The following BMP7 variants were observed in gnomAD, a reference collection of about 807,000 sequenced individuals.
The protein encoded by BMP7 is osteogenic protein 1.
BMP7 carries 12 observed loss-of-function variants against 41.2 expected under a neutral mutation model. The ratio of observed to expected loss-of-function variants is 0.29; its 90% CI spans 0.19 to 0.47. BMP7 has a LOEUF of 0.47. Among genes scored for constraint, BMP7 ranks in the 20% least tolerant of loss-of-function variants. BMP7 has a pLI of 0.99. For synonymous variants in BMP7, 248 were observed against 250.0 expected, an observed-to-expected ratio of 0.99 and a Z score of 0.07; for missense variants, 467 against 606.0, an observed-to-expected ratio of 0.77 and a Z score of 2.41.
At chr20:57,219,403 TC>T (rs1985132912) in intron 2 of BMP7, among the ~76,000 whole-genome samples, 1 of 152,036 alleles carries the variant, frequency 6.6e-6, no homozygotes. Flanking sequence ...CATCCCTCCC[TC>T]CCTCCACCCT....
chr20:57,204,113 T>C (rs758947410), intron 2 of BMP7, among the ~76,000 whole-genome samples: 2 of 152,224 alleles, frequency 1.3e-5, no homozygotes, highest in South Asian at 2.1e-4. Context: ...AAGCCCAAGC[T>C]TGCAACTGTA....
intron 1 of BMP7, among the ~76,000 whole-genome samples, chr20:57,238,061 T>A (rs150904695): frequency 0.027 from 4,120 of 152,314 alleles, 78 homozygotes; most frequent in Non-Finnish European, 0.041. Context: ...TCTCCAGGAC[T>A]TTTTTCATCT....
chr20:57,263,244 C>G (rs2146034249), intron 1 of BMP7, among the ~76,000 whole-genome samples: 1 of 152,358 alleles, frequency 6.6e-6, no homozygotes, highest in Admixed American at 6.5e-5. Flanking sequence ...CAGGGTCCCA[C>G]AAAGCCCAAA....
At chr20:57,233,399 C>T (rs2066036066) in intron 1 of BMP7, among the ~76,000 whole-genome samples, 1 of 152,226 alleles carries the variant, frequency 6.6e-6, no homozygotes, top group African/African-American at 2.4e-5. Context: ...CAAGCAGACC[C>T]ATCACTGTCC....
intron 1 of BMP7, among the ~76,000 whole-genome samples, chr20:57,253,510 TG>T (rs538609283): frequency 3.5e-4 from 53 of 152,296 alleles, no homozygotes; most frequent in African/African-American, 1.3e-3. Context: ...GGCACTGTCC[TG>T]TGGGTTTTTC....
intron 1 of BMP7, among the ~76,000 whole-genome samples, chr20:57,238,691 C>T (rs1360143306): frequency 6.6e-6 from 1 of 151,556 alleles, no homozygotes; most frequent in Non-Finnish European, 1.5e-5. Context: ...AAGACATACC[C>T]GAGACCAGGA....
chr20:57,223,595 C>T (rs911170374), intron 2 of BMP7, among the ~76,000 whole-genome samples: 2 of 152,184 alleles, frequency 1.3e-5, no homozygotes, highest in African/African-American at 4.8e-5. Context: ...TAGCTGTGTG[C>T]TTTTGGGCAA....
At chr20:57,235,482 G>C (rs2066044022) in intron 1 of BMP7, among the ~76,000 whole-genome samples, 1 of 152,206 alleles carries the variant, frequency 6.6e-6, no homozygotes, top group African/African-American at 2.4e-5. Context: ...GGCCAAAGGA[G>C]ACACAGTCCC....
intron 3 of BMP7, among the ~76,000 whole-genome samples, chr20:57,195,843 T>C (rs1984479286): frequency 6.6e-6 from 1 of 152,162 alleles, no homozygotes; most frequent in South Asian, 2.1e-4. Context: ...TGCATGCAGA[T>C]AGCCAAAATG....
At position 57,215,969 on chromosome 20, in the gene BMP7, A is replaced by C. The variant is rs1471487885; in HGVS notation, c.611+12260T>G. 6.6e-6 allele frequency: 1 copy of C among 152,248 alleles called. No homozygotes were observed. The highest frequency in any genetic ancestry group is 2.4e-5 in the African/African-American group (1 of 41,534). The allele number at this position is 152,248 out of a possible 1,614,324, so 9.4% of individuals were successfully genotyped here. A position where few individuals can be genotyped will look rare whatever the true frequency, so the allele number is the denominator to read the frequency against. On this transcript the variant is annotated intron_variant, in intron 2 of 6. Transcript: ENST00000395863. The surrounding 1 kb of genome is among the most constrained non-coding windows in gnomAD (Gnocchi z 4.2). ...ACCCAGAGACAGAAAAAGTGCAGCA[A>C]AGCAGGGCGACAAGGGGAAAGAAAC...
rs763672734 is a variant in BMP7, at chr20:57,228,205, C to G, written c.611+24G>C. The G allele has an allele frequency of 6.2e-7, 1 of 1,611,494 alleles. No individual in the cohort carries two copies. ...CCCCCAGAGGAAACTCAGCACCTCT[C>G]CCAGATACCCGTATAGCACCCACCT... On this transcript the variant is annotated intron_variant, in intron 2 of 6. Transcript: ENST00000395863. The surrounding 1 kb of genome is among the most constrained non-coding windows in gnomAD (Gnocchi z 4.5).
chr20:57,176,690 TTTC>T (rs1221004447), intron 4 of BMP7, among the ~76,000 whole-genome samples: 5 of 151,714 alleles, frequency 3.3e-5, no homozygotes, highest in African/African-American at 7.3e-5. Context: ...AGTTTCATAT[TTTC>T]TTCTTCTTCT....
intron 4 of BMP7, among the ~76,000 whole-genome samples, chr20:57,177,134 G>A (rs553997513): frequency 3.9e-5 from 6 of 152,104 alleles, no homozygotes; most frequent in Admixed American, 6.6e-5. Context: ...GCTACCCCAT[G>A]GCTGAGAACA....
At chr20:57,172,974 G>A in intron 6 of BMP7, 2 of 612,784 alleles carry the variant, frequency 3.3e-6, no homozygotes, top group South Asian at 2.0e-5. Context: ...TAAAAATTAG[G>A]AGAAATAAAT....
chr20:57,258,607 A>G (rs1377593987), intron 1 of BMP7, among the ~76,000 whole-genome samples: 1 of 152,248 alleles, frequency 6.6e-6, no homozygotes, highest in East Asian at 1.9e-4. Context: ...ATACCCTCTC[A>G]CTGAGTTCCA....
chr20:57,243,401 C>T (rs2066077606), intron 1 of BMP7, among the ~76,000 whole-genome samples: 3 of 152,124 alleles, frequency 2.0e-5, no homozygotes, highest in Non-Finnish European at 2.9e-5. Context: ...ATCGCTTGAA[C>T]CCAGGAGGCA....
chr20:57,175,842 G>GT lies in BMP7; in HGVS notation c.959-836_959-835insA, dbSNP rs1983911837. ...CCCAGGCTGTGCCTGTGGCCCACAG[G>GT]CCCGGTGTGCTCTGACAACTGATTG... On this transcript the variant is annotated intron_variant, in intron 4 of 6. Transcript: ENST00000395863. Among the ~76,000 whole-genome samples the GT allele has an allele frequency of 1.3e-5, 2 of 151,284 alleles. 1 individual carries two copies. The highest frequency in any genetic ancestry group is 1.3e-4 in the Admixed American group (2 of 15,218).
At chr20:57,238,767 G>A (rs879925629) in intron 1 of BMP7, among the ~76,000 whole-genome samples, 31 of 152,086 alleles carry the variant, frequency 2.0e-4, no homozygotes, top group African/African-American at 5.5e-4. Flanking sequence ...GAATCATGGC[G>A]GGAGGCAAAA....
rs2066014241 is a variant in BMP7 at position 57,228,037 on chromosome 20, T to C, written c.611+192A>G. On this transcript the variant is annotated intron_variant, in intron 2 of 6. Transcript: ENST00000395863. This position sits in a 1 kb window ranked among gnomAD's most constrained non-coding sequence, Gnocchi z 4.5. ...CCCTGGGCTCCCTGGCCTTCTACTA[T>C]TCCTGAATTTGTTGTCGGTCATGGT... is the stretch of plus-strand genomic sequence containing the variant. 6.6e-6 allele frequency among the ~76,000 whole-genome samples: 1 copy of C among 152,142 alleles called. No individual in the cohort carries two copies. The highest frequency in any genetic ancestry group is 6.5e-5 in the Admixed American group (1 of 15,280).
Sources: gnomAD v4.1 joint callset for allele counts (sites outside exome capture counted in the v4.1 genomes callset) on GRCh38, gnomAD v4.1.1 for gene constraint, Gnocchi (gnomAD v3.1) non-coding constraint, MANE v1.5 for transcripts, NCBI Gene and HGNC (gene_info 2026-07-23, HGNC 2026-07-21) for gene names.